The following TSHZ2 variants were observed in gnomAD, a reference collection of about 807,000 sequenced individuals.
TSHZ2 encodes teashirt zinc finger homeobox 2.
A neutral mutation model predicts 74.4 loss-of-function variants in TSHZ2; 21 were observed. The ratio of observed to expected loss-of-function variants is 0.28; its 90% confidence interval spans 0.20 to 0.41. TSHZ2 has a LOEUF of 0.41. TSHZ2 is among the 10% of genes least tolerant of loss of function. The probability of loss-of-function intolerance (pLI) is 1.00; values close to 1 mark genes in which losing one functional copy is unlikely to be tolerated. For missense variants in TSHZ2, 1,244 were observed against 1,293.5 expected (o/e 0.96, Z 0.59); for synonymous variants, 540 against 515.3 (o/e 1.05, Z -0.65).
intron 2 of TSHZ2, among the ~76,000 whole-genome samples, chr20:53,461,057 G>T (rs1346104664): frequency 1.3e-5 from 2 of 152,196 alleles, no homozygotes; most frequent in Non-Finnish European, 1.5e-5. Context: ...CTTGAGCTGT[G>T]GTGGGCTCCA....
chr20:52,982,685 A>G (rs1981612769), intron 1 of TSHZ2, among the ~76,000 whole-genome samples: 1 of 152,236 alleles, frequency 6.6e-6, no homozygotes, highest in African/African-American at 2.4e-5. Context: ...AAACAAATAA[A>G]TATATAACAC....
At chr20:53,185,822 G>A in intron 1 of TSHZ2, 2 of 1,083,422 alleles carry the variant, frequency 1.8e-6, no homozygotes, top group Non-Finnish European at 2.6e-6. Flanking sequence ...TAATTTAATT[G>A]AGTTTTTAAA....
At chr20:53,213,698 T>TC in intron 1 of TSHZ2, among the ~76,000 whole-genome samples, 1 of 17,566 alleles carries the variant, frequency 5.7e-5, no homozygotes, top group South Asian at 5.6e-3. Flanking sequence ...CTAATTGGAC[T>TC]TTTTTTTTTT....
At chr20:53,144,893 T>G (rs1370381803) in intron 1 of TSHZ2, among the ~76,000 whole-genome samples, 1 of 151,842 alleles carries the variant, frequency 6.6e-6, no homozygotes, top group African/African-American at 2.4e-5. Flanking sequence ...ATATGTAGCC[T>G]AAGTATTTTT....
At chr20:53,146,145 T>C (rs774597820) in intron 1 of TSHZ2, among the ~76,000 whole-genome samples, 4 of 152,068 alleles carry the variant, frequency 2.6e-5, no homozygotes, top group Non-Finnish European at 5.9e-5. Context: ...GTAAAGACCA[T>C]GTTGTCTTTG....
At chr20:53,377,503 G>A (rs752597654) in intron 2 of TSHZ2, among the ~76,000 whole-genome samples, 6 of 152,102 alleles carry the variant, frequency 3.9e-5, no homozygotes, top group Non-Finnish European at 7.4e-5. Flanking sequence ...AAATATCTTA[G>A]ACTTTCAAGG....
chr20:53,184,956 G>A (rs556488651), intron 1 of TSHZ2, among the ~76,000 whole-genome samples: 40 of 152,284 alleles, frequency 2.6e-4, no homozygotes, highest in Admixed American at 8.5e-4. Flanking sequence ...TGATCTGCCC[G>A]CATTGGCCTC....
At chr20:53,403,842 C>G (rs565184390) in intron 2 of TSHZ2, among the ~76,000 whole-genome samples, 11 of 152,334 alleles carry the variant, frequency 7.2e-5, no homozygotes, top group South Asian at 2.1e-4. Context: ...TCTTCTGGCA[C>G]AGTTTGGCTT....
chr20:53,454,455 G>A (rs1445360916), intron 2 of TSHZ2, among the ~76,000 whole-genome samples: 4 of 151,936 alleles, frequency 2.6e-5, no homozygotes, highest in Non-Finnish European at 4.4e-5. Flanking sequence ...CCAGCTACTC[G>A]GGAGGCTGAG....
At chr20:53,089,341 T>TTTA (rs370108566) in intron 1 of TSHZ2, among the ~76,000 whole-genome samples, 35,183 of 128,204 alleles carry the variant, frequency 0.27, 4,866 homozygotes, top group South Asian at 0.37. Context: ...TTTTTTTTTT[T>TTTA]ATTAAACAGA....
chr20:53,452,319 G>A (rs1984819650), intron 2 of TSHZ2, among the ~76,000 whole-genome samples: 1 of 152,192 alleles, frequency 6.6e-6, no homozygotes, highest in Non-Finnish European at 1.5e-5. Flanking sequence ...ACTAGAGCAG[G>A]CCAAGCGTGG....
At chr20:53,368,827 C>A (rs1039313913) in intron 2 of TSHZ2, among the ~76,000 whole-genome samples, 8 of 152,212 alleles carry the variant, frequency 5.3e-5, no homozygotes, top group Non-Finnish European at 1.0e-4. Flanking sequence ...GCCAGGCACT[C>A]TTCTAGGCAT....
intron 2 of TSHZ2, among the ~76,000 whole-genome samples, chr20:53,392,757 T>C (rs1982306900): frequency 6.6e-6 from 1 of 152,226 alleles, no homozygotes; most frequent in Non-Finnish European, 1.5e-5. Flanking sequence ...GTTTGTTACA[T>C]GGGTAAATTG....
chr20:53,286,616 A>G (rs3971384), intron 2 of TSHZ2, among the ~76,000 whole-genome samples: 119,481 of 152,088 alleles, frequency 0.79, 47,773 homozygotes, highest in African/African-American at 0.94. Flanking sequence ...CAGGCACAGT[A>G]GCTCACACCT....
chr20:53,485,127 C>T (rs183761861), intron 2 of TSHZ2, among the ~76,000 whole-genome samples: 321 of 152,306 alleles, frequency 2.1e-3, no homozygotes, highest in Non-Finnish European at 3.5e-3. Flanking sequence ...CTACCGAAAA[C>T]GTTCCTATCT....
At chr20:53,407,762 T>C (rs1982904451) in intron 2 of TSHZ2, among the ~76,000 whole-genome samples, 1 of 152,218 alleles carries the variant, frequency 6.6e-6, no homozygotes, top group African/African-American at 2.4e-5. Flanking sequence ...TGCCCATTTC[T>C]GCTTTTTCAC....
intron 1 of TSHZ2, among the ~76,000 whole-genome samples, chr20:53,155,227 G>T (rs919372366): frequency 3.3e-5 from 5 of 151,954 alleles, no homozygotes; most frequent in Middle Eastern, 3.4e-3. Flanking sequence ...TGTTTGACCA[G>T]GCAGGGAACA....
chr20:53,182,141 C>G (rs1440893672), intron 1 of TSHZ2, among the ~76,000 whole-genome samples: 1 of 148,186 alleles, frequency 6.7e-6, no homozygotes, highest in Non-Finnish European at 1.5e-5. Context: ...CCTCCCTTCT[C>G]TCCCTCCCTC....
chr20:53,387,496 G>C (rs6097389), intron 2 of TSHZ2, among the ~76,000 whole-genome samples: 15,857 of 152,216 alleles, frequency 0.1, 1,866 homozygotes, highest in African/African-American at 0.29. Context: ...CACAGGAAAA[G>C]ACCATTTTTC....
Sources: gnomAD v4.1 joint callset for allele counts (sites outside exome capture counted in the v4.1 genomes callset) on GRCh38, gnomAD v4.1.1 for gene constraint, MANE v1.5 for transcripts, NCBI Gene and HGNC (gene_info 2026-07-23, HGNC 2026-07-21) for gene names.